Variants in DMD observed in about 807,000 individuals in gnomAD.
The protein encoded by DMD is dystrophin, also known as mutant dystrophin.
In DMD, 63 loss-of-function variants were observed where a neutral mutation model predicts 330.1. The ratio of observed to expected loss-of-function variants is 0.19; its 90% CI spans 0.16 to 0.24. The LOEUF is 0.24. Ranked by LOEUF, DMD falls within the 10% of genes least tolerant of loss-of-function variation. DMD has a pLI of 1.00. For missense variants in DMD, 3,344 were observed against 2,684.1 expected (o/e 1.25, Z -5.43); for synonymous variants, 1,223 against 959.8 (o/e 1.27, Z -5.07).
At chrX:32,902,355 G>C (rs2086342883) in intron 2 of DMD, among the ~76,000 whole-genome samples, 1 of 110,789 alleles carries the variant, frequency 9.0e-6, no homozygotes, top group Non-Finnish European at 1.9e-5. Context: ...GATATATTTA[G>C]AAAGACACCA....
intron 57 of DMD, among the ~76,000 whole-genome samples, chrX:31,486,433 C>T (rs2068813141): frequency 1.8e-5 from 2 of 112,389 alleles, no homozygotes; most frequent in African/African-American, 6.5e-5. Context: ...ACTCATGTTC[C>T]AGATCCAAAG....
intron 50 of DMD, among the ~76,000 whole-genome samples, chrX:31,812,058 A>G (rs1286552980): frequency 1.8e-5 from 2 of 109,351 alleles, no homozygotes; most frequent in African/African-American, 6.7e-5. Flanking sequence ...TTTTTTTGCA[A>G]TTTAAGCCAA....
chrX:32,879,015 AAAC>A (rs1173089396), intron 2 of DMD, among the ~76,000 whole-genome samples: 1 of 104,196 alleles, frequency 9.6e-6, no homozygotes, highest in African/African-American at 3.5e-5. Context: ...CTCAAAAAAA[AAAC>A]AAAAAACAAA....
At chrX:32,294,721 G>T (rs763553491) in intron 42 of DMD, among the ~76,000 whole-genome samples, 95 of 111,312 alleles carry the variant, frequency 8.5e-4, no homozygotes, top group African/African-American at 3.0e-3. Flanking sequence ...ATTGGCTGGA[G>T]TCCAGGAAAT....
intron 51 of DMD, among the ~76,000 whole-genome samples, chrX:31,753,136 G>C (rs2088740719): frequency 8.9e-6 from 1 of 112,173 alleles, no homozygotes; most frequent in Non-Finnish European, 1.9e-5. Flanking sequence ...TGAATCAGTA[G>C]GCTTTGTGAT....
intron 7 of DMD, among the ~76,000 whole-genome samples, chrX:32,755,411 T>A (rs1436813825): frequency 1.8e-5 from 2 of 111,458 alleles, no homozygotes; most frequent in Non-Finnish European, 3.8e-5. Context: ...TTTCTATAAA[T>A]TCATATAGCT....
intron 25 of DMD, among the ~76,000 whole-genome samples, chrX:32,462,747 G>T (rs1251831254): frequency 2.7e-5 from 3 of 110,522 alleles, no homozygotes; most frequent in Non-Finnish European, 5.7e-5. Context: ...TTTGAGCCCA[G>T]GAATTCAAAA....
intron 49 of DMD, among the ~76,000 whole-genome samples, chrX:31,833,635 A>T (rs2093126213): frequency 9.0e-6 from 1 of 111,316 alleles, no homozygotes; most frequent in Admixed American, 9.6e-5. Context: ...ATCTTAAAGA[A>T]GTTGACGAAG....
intron 54 of DMD, among the ~76,000 whole-genome samples, chrX:31,648,203 A>G (rs1386168819): frequency 8.9e-6 from 1 of 111,851 alleles, no homozygotes. Flanking sequence ...AGGAATTGCT[A>G]AGAATGTTGA....
intron 7 of DMD, among the ~76,000 whole-genome samples, chrX:32,750,829 C>A (rs6653587): frequency 0.046 from 5,119 of 111,357 alleles, 261 homozygotes; most frequent in African/African-American, 0.16. Flanking sequence ...AGGAAGGACC[C>A]AGTGGGAGGT....
chrX:32,249,801 C>T lies in DMD; in HGVS notation c.6291-32738G>A, dbSNP rs748291446. On this transcript the variant is annotated intron_variant, in intron 43 of 78. Coordinates refer to ENST00000357033, the MANE Select transcript of DMD (RefSeq NM_004006.3). Reference sequence around the variant, plus strand: ...CTATTCTTGTCCTTGGTTCAAGGATCGAACACTCAAGGAGACCTAAATATT... The same window carrying T: ...CTATTCTTGTCCTTGGTTCAAGGATTGAACACTCAAGGAGACCTAAATATT... Among the ~76,000 whole-genome samples, 4 of 111,275 alleles carry T rather than the reference C, an allele frequency of 3.6e-5. No homozygotes were observed. In the Admixed American group the frequency reaches 3.9e-4, roughly 11 times the overall value.
intron 44 of DMD, among the ~76,000 whole-genome samples, chrX:32,215,045 G>A (rs1406102113): frequency 9.0e-6 from 1 of 111,598 alleles, no homozygotes; most frequent in African/African-American, 3.3e-5. Flanking sequence ...ACACATGGAA[G>A]AAATAAAAAG....
intron 75 of DMD, 61 bp from the exon 76 acceptor site, chrX:31,146,475 T>G (rs2036711901): frequency 3.6e-6 from 4 of 1,112,594 alleles, no homozygotes; most frequent in South Asian, 1.9e-5. Flanking sequence ...TGTATAAATT[T>G]CAAAATATGA....
chrX:32,813,578 C>T (rs932179752), intron 6 of DMD, among the ~76,000 whole-genome samples: 24 of 111,702 alleles, frequency 2.1e-4, no homozygotes, highest in Admixed American at 1.8e-3. Context: ...TAAAAACATT[C>T]GTTTCTATTA....
intron 52 of DMD, among the ~76,000 whole-genome samples, chrX:31,694,193 G>C (rs2083297070): frequency 9.0e-6 from 1 of 110,908 alleles, no homozygotes; most frequent in African/African-American, 3.3e-5. Context: ...TGGGAAAACT[G>C]AATGTTCACA....
At chrX:32,588,101 C>T (rs903653323) in intron 13 of DMD, among the ~76,000 whole-genome samples, 1 of 112,131 alleles carries the variant, frequency 8.9e-6, no homozygotes, top group African/African-American at 3.2e-5. Flanking sequence ...TATATCCAAC[C>T]GTCTGTTCAT....
chrX:33,285,613 TCAAA>T (rs937559502), intron 1 of DMD, among the ~76,000 whole-genome samples: 1 of 111,879 alleles, frequency 8.9e-6, no homozygotes, highest in African/African-American at 3.2e-5. Context: ...CACCCTCCAG[TCAAA>T]CAATCCATAA....
At chrX:32,937,741 T>C (rs1602062512) in intron 2 of DMD, among the ~76,000 whole-genome samples, 2 of 109,321 alleles carry the variant, frequency 1.8e-5, no homozygotes, top group Non-Finnish European at 3.8e-5. Flanking sequence ...CAGACACACG[T>C]TACACAACCT....
chrX:32,871,387 C>G (rs576888815), intron 2 of DMD, among the ~76,000 whole-genome samples: 3 of 111,010 alleles, frequency 2.7e-5, no homozygotes, highest in African/African-American at 9.8e-5. Context: ...TACTTAAGAT[C>G]AAGTGGGAGG....
Sources: gnomAD v4.1 joint callset for allele counts (sites outside exome capture counted in the v4.1 genomes callset) on GRCh38, gnomAD v4.1.1 for gene constraint, MANE v1.5 for transcripts, NCBI Gene and HGNC (gene_info 2026-07-23, HGNC 2026-07-21) for gene names.